The following NUBPL variants were observed in gnomAD, a reference collection of about 807,000 sequenced individuals.
NUBPL encodes the protein NUBP iron-sulfur cluster assembly factor, mitochondrial, also known as iron-sulfur cluster transfer protein NUBPL.
A neutral mutation model predicts 45.7 loss-of-function variants in NUBPL; 31 were observed. That is an observed-to-expected ratio of 0.68 (90% CI 0.51 to 0.92). The LOEUF is 0.92. Ranked by LOEUF, NUBPL falls within the 40% of genes least tolerant of loss-of-function variation. NUBPL has a pLI of 0.00. For synonymous variants in NUBPL, 144 were observed against 140.9 expected (o/e 1.02, Z -0.15); for missense variants, 401 against 398.7 (o/e 1.01, Z -0.05).
At chr14:31,719,505 A>T (rs1049812081) in intron 6 of NUBPL, among the ~76,000 whole-genome samples, 8 of 151,734 alleles carry the variant, frequency 5.3e-5, no homozygotes, top group African/African-American at 1.9e-4. Context: ...AAAAAAAACT[A>T]CCTTATTTAA....
intron 10 of NUBPL, among the ~76,000 whole-genome samples, chr14:31,855,716 C>G (rs2040606546): frequency 6.6e-6 from 1 of 151,424 alleles, no homozygotes; most frequent in African/African-American, 2.4e-5. Context: ...CAAGCATAGT[C>G]TTTAAAAATG....
At chr14:31,846,662 A>T (rs971320450) in intron 9 of NUBPL, 71 bp downstream of exon 9, 9 of 1,590,060 alleles carry the variant, frequency 5.7e-6, no homozygotes, top group Middle Eastern at 1.7e-4. Flanking sequence ...TTGATGATTA[A>T]GAGTGTCTCA....
chr14:31,782,135 G>A (rs6571465), intron 6 of NUBPL, among the ~76,000 whole-genome samples: 24,062 of 151,988 alleles, frequency 0.16, 5,432 homozygotes, highest in African/African-American at 0.5. Context: ...AGTGCCTGAC[G>A]CCTGTAATCC....
chr14:31,757,198 G>A lies in NUBPL; in HGVS notation c.514-30582G>A, dbSNP rs865910091. Among the ~76,000 whole-genome samples, 27 of 117,782 alleles carry A rather than the reference G, an allele frequency of 2.3e-4. 2 individuals are homozygous for A. The South Asian group carries it at 8.0e-3, about 35-fold the overall frequency. The allele number at this position is 117,782 out of a possible 152,430, so 77.3% of individuals were successfully genotyped here. ...GTGTCTCTGCCTGGCTTTGGTATCA[G>A]GATGATGCTGGCCTCATAAAATGAG... On this transcript the variant is annotated intron_variant, in intron 6 of 10. Transcript: ENST00000281081.
chr14:31,653,774 A>G lies in NUBPL; in HGVS notation c.383-19581A>G, dbSNP rs1015955986. 5.9e-5 allele frequency among the ~76,000 whole-genome samples: 9 copies of G among 152,234 alleles called. No individual in the cohort carries two copies. In the East Asian group the frequency reaches 1.7e-3, roughly 29 times the overall value. On this transcript the variant is annotated intron_variant, in intron 4 of 10. Coordinates refer to ENST00000281081, the MANE Select transcript of NUBPL (RefSeq NM_025152.3). ...TTATAAGAGCATTATTTGGGAACTG[A>G]TAAATGTCCAGGAAATCTTCACAAT...
intron 4 of NUBPL, among the ~76,000 whole-genome samples, chr14:31,639,928 G>T (rs1451439754): frequency 6.6e-6 from 1 of 152,160 alleles, no homozygotes; most frequent in Non-Finnish European, 1.5e-5. Flanking sequence ...CGTTTTTTAA[G>T]CCCGTTGGAA....
At chr14:31,819,453 C>G (rs892290019) in intron 7 of NUBPL, among the ~76,000 whole-genome samples, 1 of 152,130 alleles carries the variant, frequency 6.6e-6, no homozygotes, top group Non-Finnish European at 1.5e-5. Flanking sequence ...CTAGTAGGCT[C>G]CAGCACTGAA....
intron 4 of NUBPL, among the ~76,000 whole-genome samples, chr14:31,655,913 A>G (rs548363615): frequency 1.3e-4 from 20 of 152,208 alleles, no homozygotes; most frequent in Non-Finnish European, 2.6e-4. Flanking sequence ...GAAGCCAAGC[A>G]TTAACTTTTT....
chr14:31,731,294 A>G (rs955932330), intron 6 of NUBPL, among the ~76,000 whole-genome samples: 6 of 152,218 alleles, frequency 3.9e-5, no homozygotes. Context: ...TCCAAAGAAG[A>G]TGGTAAGAGA....
chr14:31,688,317 C>T lies in NUBPL; in HGVS notation c.513+14743C>T, dbSNP rs1465912764. Among the ~76,000 whole-genome samples the T allele has an allele frequency of 2.0e-4, 30 of 152,110 alleles. 1 individual carries two copies. The highest frequency in any genetic ancestry group is 4.3e-4 in the Non-Finnish European group (29 of 68,032). ...ACTGGGCCAGGCGCGGTGGTTCACG[C>T]CTGTAATCCCAGCACTTTGGCAGGC... On this transcript the variant is annotated intron_variant, in intron 6 of 10. Coordinates refer to ENST00000281081, the MANE Select transcript of NUBPL (RefSeq NM_025152.3).
intron 4 of NUBPL, among the ~76,000 whole-genome samples, chr14:31,638,705 C>T (rs916851194): frequency 5.4e-4 from 82 of 152,316 alleles, no homozygotes; most frequent in African/African-American, 1.9e-3. Context: ...GTTCCATTCT[C>T]CCTGTCACTT....
chr14:31,833,508 CTGCATTATT>C (rs1227125783), intron 8 of NUBPL, among the ~76,000 whole-genome samples: 8 of 152,038 alleles, frequency 5.3e-5, no homozygotes, highest in Admixed American at 4.6e-4. Flanking sequence ...GTCTAAAATT[CTGCATTATT>C]TGAAATTTAC....
At chr14:31,632,791 T>C (rs1158575289) in intron 4 of NUBPL, among the ~76,000 whole-genome samples, 1 of 152,172 alleles carries the variant, frequency 6.6e-6, no homozygotes, top group Non-Finnish European at 1.5e-5. Flanking sequence ...TAGTAATAGG[T>C]CAGGATTTAG....
chr14:31,762,399 A>G (rs921361716), intron 6 of NUBPL, among the ~76,000 whole-genome samples: 1 of 152,148 alleles, frequency 6.6e-6, no homozygotes, highest in Non-Finnish European at 1.5e-5. Flanking sequence ...CTTCATGGGT[A>G]TTTGGCTTTA....
At chr14:31,579,805 G>A (rs1279453197) in intron 3 of NUBPL, among the ~76,000 whole-genome samples, 1 of 152,238 alleles carries the variant, frequency 6.6e-6, no homozygotes, top group Non-Finnish European at 1.5e-5. Flanking sequence ...GCACAGAGGA[G>A]GAAGATCTGA....
intron 8 of NUBPL, among the ~76,000 whole-genome samples, chr14:31,830,986 G>A (rs1446369212): frequency 3.3e-5 from 5 of 152,032 alleles, no homozygotes; most frequent in African/African-American, 1.2e-4. Context: ...TTATACTTTG[G>A]TACTTAGATT....
At chr14:31,822,076 G>A (rs2040026853) in intron 7 of NUBPL, among the ~76,000 whole-genome samples, 1 of 151,656 alleles carries the variant, frequency 6.6e-6, no homozygotes, top group South Asian at 2.1e-4. Flanking sequence ...TGGCTAATGG[G>A]TACAAAAAAA....
chr14:31,612,650 ACT>A (rs1173076654), intron 4 of NUBPL, among the ~76,000 whole-genome samples: 19 of 151,478 alleles, frequency 1.3e-4, no homozygotes, highest in Non-Finnish European at 2.5e-4. Context: ...ACAGAGCAAG[ACT>A]CTGTCTCAGA....
intron 4 of NUBPL, among the ~76,000 whole-genome samples, chr14:31,639,426 G>C (rs539871633): frequency 6.6e-6 from 1 of 152,308 alleles, no homozygotes; most frequent in South Asian, 2.1e-4. Flanking sequence ...GCTGCTGTAT[G>C]ATCGTTCCTC....
Sources: allele counts gnomAD v4.1 joint callset (sites outside exome capture counted in the v4.1 genomes callset), GRCh38; gene constraint gnomAD v4.1.1; transcripts MANE v1.5; gene names NCBI Gene and HGNC (gene_info 2026-07-23, HGNC 2026-07-21).